Variants in ITGA9 observed in about 807,000 individuals in gnomAD.
ITGA9 encodes the protein integrin alpha-9.
A neutral mutation model predicts 127.8 loss-of-function variants in ITGA9; 56 were observed. The observed-to-expected ratio is 0.44, with a 90% CI of 0.35 to 0.55. The LOEUF is 0.55. Ranked by LOEUF, ITGA9 falls within the 20% of genes least tolerant of loss-of-function variation. The pLI is 0.00. For synonymous variants in ITGA9, 508 were observed against 514.5 expected (o/e 0.99, Z 0.17); for missense variants, 1,196 against 1,347.1 (o/e 0.89, Z 1.76).
chr3:37,484,893 G>A (rs1014213601), intron 4 of ITGA9, among the ~76,000 whole-genome samples: 2 of 152,178 alleles, frequency 1.3e-5, no homozygotes, highest in Non-Finnish European at 2.9e-5. Flanking sequence ...TATATGCTAA[G>A]CATATATATA....
chr3:37,726,045 G>A (rs1174634047), intron 18 of ITGA9, among the ~76,000 whole-genome samples: 3 of 152,232 alleles, frequency 2.0e-5, no homozygotes, highest in African/African-American at 7.2e-5. Flanking sequence ...ATCATTGAGT[G>A]CTGCTAATAA....
At chr3:37,642,470 C>G (rs1267520011) in intron 16 of ITGA9, among the ~76,000 whole-genome samples, 2 of 152,154 alleles carry the variant, frequency 1.3e-5, no homozygotes, top group Non-Finnish European at 2.9e-5. Context: ...AAGGCTAGTT[C>G]CTTTGGCAAA....
intron 23 of ITGA9, among the ~76,000 whole-genome samples, chr3:37,769,165 C>T (rs1254073402): frequency 6.6e-6 from 1 of 151,646 alleles, no homozygotes; most frequent in Non-Finnish European, 1.5e-5. Flanking sequence ...ATGGTGAAAC[C>T]CCATCTCTAC....
At chr3:37,556,851 G>T (rs889072364) in intron 15 of ITGA9, among the ~76,000 whole-genome samples, 1 of 152,216 alleles carries the variant, frequency 6.6e-6, no homozygotes, top group African/African-American at 2.4e-5. Flanking sequence ...CATCAACAAC[G>T]TGGGGCCAGG....
At chr3:37,643,894 G>C (rs569738412) in intron 16 of ITGA9, among the ~76,000 whole-genome samples, 1 of 152,180 alleles carries the variant, frequency 6.6e-6, no homozygotes, top group East Asian at 1.9e-4. Flanking sequence ...CCCATGTCTG[G>C]TTTAGCAGCT....
At chr3:37,462,144 T>C (rs1698322155) in intron 1 of ITGA9, among the ~76,000 whole-genome samples, 1 of 152,212 alleles carries the variant, frequency 6.6e-6, no homozygotes, top group South Asian at 2.1e-4. Context: ...TCCTTTTGCC[T>C]TGCCTCCTTC....
At chr3:37,681,810 G>C (rs1392851102) in intron 17 of ITGA9, among the ~76,000 whole-genome samples, 1 of 151,690 alleles carries the variant, frequency 6.6e-6, no homozygotes, top group Non-Finnish European at 1.5e-5. Flanking sequence ...CCCCTGTCCT[G>C]GGCCCCCATT....
intron 23 of ITGA9, among the ~76,000 whole-genome samples, chr3:37,772,724 A>G (rs765774469): frequency 1.3e-5 from 2 of 152,184 alleles, no homozygotes; most frequent in Non-Finnish European, 2.9e-5. Flanking sequence ...CTCCTTTTGA[A>G]AGGGGACCAC....
intron 26 of ITGA9, among the ~76,000 whole-genome samples, chr3:37,798,500 C>T (rs1474828287): frequency 2.0e-5 from 3 of 152,148 alleles, no homozygotes; most frequent in African/African-American, 4.8e-5. Context: ...GGCTCTCAGG[C>T]CCCATTCTAG....
chr3:37,614,912 C>G (rs1700059256), intron 15 of ITGA9, among the ~76,000 whole-genome samples: 1 of 152,092 alleles, frequency 6.6e-6, no homozygotes, highest in South Asian at 2.1e-4. Flanking sequence ...CATCTGCAAA[C>G]AGGGACAATT....
intron 18 of ITGA9, among the ~76,000 whole-genome samples, chr3:37,721,360 C>T (rs1325245270): frequency 6.6e-6 from 1 of 152,104 alleles, no homozygotes; most frequent in Non-Finnish European, 1.5e-5. Flanking sequence ...AAGTGAACCT[C>T]CTGCCTTGGC....
In ITGA9 at chr3:37,629,050, A is replaced by T; in HGVS notation, c.1690-137A>T. The T allele has an allele frequency of 9.7e-7, 1 of 1,029,798 alleles. No individual in the cohort carries two copies. The highest frequency in any genetic ancestry group is 1.5e-6 in the Non-Finnish European group (1 of 670,982). 63.8% of individuals were successfully genotyped at this position (1,029,798 alleles called of 1,614,324 possible). ...TTACCTCATTTAAAATATGAAAGTC[A>T]TAAAACCCTACCTCACGAGGGTGAT... On this transcript the variant is annotated intron_variant, in intron 15 of 27. Coordinates refer to ENST00000264741, the MANE Select transcript of ITGA9 (RefSeq NM_002207.3). The surrounding 1 kb of genome is among the most constrained non-coding windows in gnomAD (Gnocchi z 4.5).
At chr3:37,632,145 C>T (rs1013885308) in intron 16 of ITGA9, among the ~76,000 whole-genome samples, 1 of 152,100 alleles carries the variant, frequency 6.6e-6, no homozygotes, top group Non-Finnish European at 1.5e-5. Context: ...GAATAACTAA[C>T]TTAAAAGGAA....
chr3:37,491,872 A>G (rs1290998006), intron 4 of ITGA9, among the ~76,000 whole-genome samples: 1 of 152,220 alleles, frequency 6.6e-6, no homozygotes, highest in Non-Finnish European at 1.5e-5. Flanking sequence ...CTCTTGACAT[A>G]TATATGAAGG....
At chr3:37,454,613 T>C (rs1461331086) in intron 1 of ITGA9, among the ~76,000 whole-genome samples, 3 of 152,226 alleles carry the variant, frequency 2.0e-5, no homozygotes, top group African/African-American at 7.2e-5. Flanking sequence ...CTCTTTGTAT[T>C]GGAGTGCTTG....
intron 17 of ITGA9, among the ~76,000 whole-genome samples, chr3:37,669,774 T>C (rs1271481322): frequency 1.3e-5 from 2 of 152,218 alleles, no homozygotes; most frequent in Admixed American, 6.5e-5. Flanking sequence ...CCAGGGGACT[T>C]TGTGTCTTTA....
At chr3:37,464,253 G>A (rs1251365760) in intron 1 of ITGA9, among the ~76,000 whole-genome samples, 8 of 148,588 alleles carry the variant, frequency 5.4e-5, no homozygotes, top group South Asian at 2.1e-4. Context: ...CCTTCATGGC[G>A]TCCCACAGCT....
At chr3:37,647,388 T>A (rs781101288) in intron 16 of ITGA9, among the ~76,000 whole-genome samples, 15 of 152,146 alleles carry the variant, frequency 9.9e-5, no homozygotes, top group Admixed American at 9.2e-4. Context: ...GATGTTTTGA[T>A]GTACATTTAC....
chr3:37,488,887 A>T (rs999440788), intron 4 of ITGA9, among the ~76,000 whole-genome samples: 10 of 152,206 alleles, frequency 6.6e-5, no homozygotes, highest in African/African-American at 2.4e-4. Flanking sequence ...CATTATGTAC[A>T]TTCACACTGC....
Sources: allele counts gnomAD v4.1 joint callset (sites outside exome capture counted in the v4.1 genomes callset), GRCh38; gene constraint gnomAD v4.1.1; non-coding constraint Gnocchi (gnomAD v3.1); transcripts MANE v1.5; gene names NCBI Gene and HGNC (gene_info 2026-07-23, HGNC 2026-07-21).